The following ATP7B variants were observed in gnomAD, a reference collection of about 807,000 sequenced individuals.
The protein encoded by ATP7B is copper-transporting ATPase 2.
In ATP7B, 113 loss-of-function variants were observed where a neutral mutation model predicts 118.9. The observed-to-expected ratio is 0.95, with a 90% CI of 0.82 to 1.11. ATP7B has a LOEUF of 1.11. Among genes scored for constraint, ATP7B ranks in the 50% most tolerant of loss-of-function variants. ATP7B has a pLI of 0.00. For missense variants in ATP7B, 1,867 were observed against 1,871.4 expected (o/e 1.00, Z 0.04); for synonymous variants, 777 against 727.4 (o/e 1.07, Z -1.10).
intron 1 of ATP7B, among the ~76,000 whole-genome samples, chr13:51,977,405 C>T (rs1481569666): frequency 6.6e-6 from 1 of 152,026 alleles, no homozygotes; most frequent in Non-Finnish European, 1.5e-5. Context: ...CAAACACATA[C>T]ATTAGCCTCG....
rs774584291 is a variant in ATP7B at position 51,939,174 on chromosome 13, G to A, written c.3576C>T (p.Ile1192=). ...CCTGCTTGACAGCGTCTGCGATTGC[G>A]ATCATCCCACAGAGCACACCTGGAG... ...VAIDGVLCGM[I]AIADAVKQEA... Residue 1192 remains isoleucine (I), a synonymous_variant, in exon 17 of 21, where the codon ATC becomes ATT. Transcript: ENST00000242839. 6.2e-6 allele frequency: 10 copies of A among 1,613,598 alleles called. No homozygotes were observed. In the African/African-American group the frequency reaches 1.1e-4, roughly 17 times the overall value.
At chr13:51,949,853 A>G in intron 11 of ATP7B, 57 bp from the exon 12 acceptor site, 1 of 1,612,758 alleles carries the variant, frequency 6.2e-7, no homozygotes, top group Non-Finnish European at 8.5e-7. Flanking sequence ...GAAATAAAAC[A>G]CCACAAGCAT....
Position 51,959,807 on chromosome 13 carries a change from C to T in ATP7B, c.2121+341G>A, listed in dbSNP as rs972934320. The T allele has an allele frequency of 1.1e-4, 36 of 341,932 alleles. 1 individual carries two copies. The highest frequency in any genetic ancestry group is 4.8e-4 in the South Asian group (17 of 35,340). The allele number at this position is 341,932 out of a possible 1,614,324, so 21.2% of individuals were successfully genotyped here. On this transcript the variant is annotated intron_variant, in intron 7 of 20. Coordinates refer to ENST00000242839, the MANE Select transcript of ATP7B (RefSeq NM_000053.4). Reference sequence around the variant, plus strand: ...TCCAGTTGTTGCTTCCAGCAACAAACGTAAATTAACCTAAACAATATGCAC... The same window carrying T: ...TCCAGTTGTTGCTTCCAGCAACAAATGTAAATTAACCTAAACAATATGCAC...
rs900267309 is a variant in ATP7B, at chr13:51,975,088, A to G, written c.132T>C (p.Tyr44=). The G allele has an allele frequency of 6.2e-7, 1 of 1,614,276 alleles. No homozygotes were observed. Among genetic ancestry groups the G allele is most frequent in the Non-Finnish European group, 8.5e-7 (1 of 1,180,052 alleles). The change falls in exon 2 of 21, where the codon TAT becomes TAC. Residue 44 remains tyrosine (Y), a synonymous_variant. Transcript: ENST00000242839. The part of the protein sequence containing the change: ...KKSFAFDNVG[Y]EGGLDGLGPS... ...GGCCCAGGCCATCCAGACCACCTTC[A>G]TAGCCAACATTGTCAAAAGCAAAAC...
At chr13:51,938,322 C>A (rs904136674) in intron 17 of ATP7B, among the ~76,000 whole-genome samples, 1 of 152,220 alleles carries the variant, frequency 6.6e-6, no homozygotes, top group Non-Finnish European at 1.5e-5. Context: ...CAAGGGCAGA[C>A]CCCCCTTCAC....
rs1441316018 is a variant in ATP7B at position 51,944,213 on chromosome 13, C to T, written c.3139G>A (p.Asp1047Asn). The change falls in exon 14 of 21, where the codon GAT (aspartate) becomes AAT (asparagine). Residue 1047 changes from aspartate (D) to asparagine (N), a missense_variant. Transcript: ENST00000242839. ...TTCCTGAGGGGCAGTGTGGCCACAT[C>T]CCCCAGCAGGAGCACCCGCATGACC... is the stretch of plus-strand genomic sequence containing the variant. ...PRVMRVLLLGDVATLPLRKVL... is the reference protein window; with the variant it reads ...PRVMRVLLLGNVATLPLRKVL... 1 of 1,614,050 alleles carries T rather than the reference C, an allele frequency of 6.2e-7. No homozygotes were observed. Among genetic ancestry groups the T allele is most frequent in the African/African-American group, 1.3e-5 (1 of 74,922 alleles).
intron 1 of ATP7B, among the ~76,000 whole-genome samples, chr13:52,008,188 A>G (rs1254639809): frequency 6.6e-6 from 1 of 152,098 alleles, no homozygotes; most frequent in Non-Finnish European, 1.5e-5. Flanking sequence ...AAAAATACAA[A>G]AATTAGCTGG....
At chr13:51,962,477 T>C (rs1286125716) in intron 5 of ATP7B, among the ~76,000 whole-genome samples, 2 of 152,190 alleles carry the variant, frequency 1.3e-5, no homozygotes, top group Non-Finnish European at 2.9e-5. Flanking sequence ...ACTATATCTC[T>C]GATACTCTTT....
At chr13:51,997,244 T>C (rs1953254841) in intron 1 of ATP7B, among the ~76,000 whole-genome samples, 1 of 152,230 alleles carries the variant, frequency 6.6e-6, no homozygotes, top group African/African-American at 2.4e-5. Context: ...GCTTTGAGCA[T>C]TAGATTTTTT....
At chr13:51,978,092 T>A (rs74087034) in intron 1 of ATP7B, among the ~76,000 whole-genome samples, 3,552 of 152,192 alleles carry the variant, frequency 0.023, 160 homozygotes, top group African/African-American at 0.082. Context: ...AGCCTAAATA[T>A]GACCAACAAA....
intron 1 of ATP7B, among the ~76,000 whole-genome samples, chr13:51,979,450 G>A (rs910212427): frequency 1.3e-5 from 2 of 152,038 alleles, no homozygotes; most frequent in African/African-American, 4.8e-5. Flanking sequence ...TAATTTAACT[G>A]TACAATACAC....
At position 51,948,691 on chromosome 13, in the gene ATP7B, T is replaced by C. The variant is rs141194283; in HGVS notation, c.2865+971A>G. Among the ~76,000 whole-genome samples, 524 of 152,262 alleles carry C rather than the reference T, an allele frequency of 3.4e-3. 4 individuals carry two copies. Among genetic ancestry groups the C allele is most frequent in the Admixed American group, 6.9e-3 (106 of 15,294 alleles). ...AAATGTCACAGCTGCCAACTGAGAA[T>C]CACAGATGTAATATAGCTTTTATTC... On this transcript the variant is annotated intron_variant, in intron 12 of 20. Coordinates refer to ENST00000242839, the MANE Select transcript of ATP7B (RefSeq NM_000053.4).
At chr13:51,959,963 C>T in intron 7 of ATP7B, 185 bp downstream of exon 7, 4 of 810,478 alleles carry the variant, frequency 4.9e-6, no homozygotes, top group Non-Finnish European at 7.8e-6. Flanking sequence ...CTGGGGGGGC[C>T]CCAAGCCCCA....
At position 52,011,428 on chromosome 13, in the gene ATP7B, G is replaced by A. The variant is rs1593893115; in HGVS notation, c.-91C>T. 2.6e-5 allele frequency: 41 copies of A among 1,561,198 alleles called. No individual in the cohort carries two copies. In the East Asian group the frequency reaches 8.9e-4, roughly 34 times the overall value. On this transcript the variant is annotated 5_prime_UTR_variant, in exon 1 of 21. Transcript: ENST00000242839. ...AGGAGAGCGGGGTGTTAAAGTCCCG[G>A]GAGAGGAGGCGCAGAGTGTGAGGGC...
chr13:51,966,260 T>C (rs1204518416), intron 4 of ATP7B, among the ~76,000 whole-genome samples: 1 of 152,212 alleles, frequency 6.6e-6, no homozygotes, highest in Non-Finnish European at 1.5e-5. Context: ...TAGGAACTTG[T>C]CCAAAGTCGC....
At chr13:51,979,945 A>G (rs1175501944) in intron 1 of ATP7B, among the ~76,000 whole-genome samples, 4 of 152,238 alleles carry the variant, frequency 2.6e-5, no homozygotes, top group African/African-American at 7.2e-5. Context: ...AGCCTTGCAA[A>G]TAACATATCT....
At chr13:52,012,046 A>G, upstream of ATP7B, 1 of 436,062 alleles carries the variant, frequency 2.3e-6, no homozygotes, top group Non-Finnish European at 4.3e-6. Flanking sequence ...CTGTGCGCAA[A>G]GGCCAGCCAA....
intron 1 of ATP7B, among the ~76,000 whole-genome samples, chr13:51,982,019 T>A (rs907386275): frequency 6.6e-6 from 1 of 151,922 alleles, no homozygotes; most frequent in Non-Finnish European, 1.5e-5. Context: ...TTTTTTTTTT[T>A]TTTTAGCTCA....
At chr13:51,962,800 A>G (rs2139694706) in intron 5 of ATP7B, among the ~76,000 whole-genome samples, 1 of 152,276 alleles carries the variant, frequency 6.6e-6, no homozygotes, top group Non-Finnish European at 1.5e-5. Flanking sequence ...ATCAGAAATC[A>G]AAAAGGGTTG....
Sources: allele counts gnomAD v4.1 joint callset (sites outside exome capture counted in the v4.1 genomes callset), GRCh38; gene constraint gnomAD v4.1.1; transcripts MANE v1.5; gene names NCBI Gene and HGNC (gene_info 2026-07-23, HGNC 2026-07-21).